The following INSR variants were observed in gnomAD, a reference collection of about 807,000 sequenced individuals.
INSR encodes IR.
INSR carries 67 observed loss-of-function variants against 142.6 expected under a neutral mutation model. The ratio of observed to expected loss-of-function variants is 0.47; its 90% CI spans 0.39 to 0.58. INSR has a LOEUF of 0.58. Ranked by LOEUF, INSR falls within the 20% of genes least tolerant of loss-of-function variation. INSR has a pLI of 0.00. For missense variants in INSR, 1,248 were observed against 1,833.2 expected, an observed-to-expected ratio of 0.68 and a Z score of 5.83; for synonymous variants, 756 against 743.1, an observed-to-expected ratio of 1.02 and a Z score of -0.28.
intron 1 of INSR, among the ~76,000 whole-genome samples, chr19:7,285,098 T>C (rs1277652661): frequency 6.6e-6 from 1 of 152,058 alleles, no homozygotes; most frequent in Non-Finnish European, 1.5e-5. Context: ...GAGGATCACT[T>C]GAGGCCAGGA....
At chr19:7,261,771 T>C (rs1259718294) in intron 2 of INSR, among the ~76,000 whole-genome samples, 6 of 152,158 alleles carry the variant, frequency 3.9e-5, no homozygotes, top group African/African-American at 1.4e-4. Context: ...CCTCAAGCGA[T>C]CCACCTACCT....
intron 2 of INSR, among the ~76,000 whole-genome samples, chr19:7,252,751 GC>G (rs1473058820): frequency 6.6e-6 from 1 of 152,112 alleles, no homozygotes; most frequent in East Asian, 1.9e-4. Flanking sequence ...CACTCAATAA[GC>G]CATGGAGTCA....
At position 7,130,119 on chromosome 19, in the gene INSR, A is replaced by G. The variant is rs554713721; in HGVS notation, c.2843-1165T>C. On this transcript the variant is annotated intron_variant, in intron 14 of 21. Coordinates refer to ENST00000302850, the MANE Select transcript of INSR (RefSeq NM_000208.4). ...ATTTGTGTCATTAAAATGTCCCTCC[A>G]CCTCCTGAAGTGGTTCTGTTATTAT... is the stretch of plus-strand genomic sequence containing the variant. 3.9e-5 allele frequency among the ~76,000 whole-genome samples: 6 copies of G among 151,922 alleles called. No individual in the cohort carries two copies. In the East Asian group the frequency reaches 1.2e-3, roughly 29 times the overall value.
At chr19:7,123,261 C>T (rs191744093) in intron 17 of INSR, 6,099 of 413,074 alleles carry the variant, frequency 0.015, 84 homozygotes, top group Non-Finnish European at 0.022. Flanking sequence ...CTTTGCCTCC[C>T]GGGTTCAAGC....
chr19:7,156,113 T>G (rs1352238302), intron 9 of INSR, among the ~76,000 whole-genome samples: 2 of 126,454 alleles, frequency 1.6e-5, no homozygotes, highest in Non-Finnish European at 3.2e-5. Flanking sequence ...CAGGCTGGAG[T>G]GCAGTGGCGT....
In INSR at chr19:7,208,942, G is replaced by A. The variant is rs550488526; in HGVS notation, c.653-24305C>T. 1.8e-4 allele frequency among the ~76,000 whole-genome samples: 28 copies of A among 152,248 alleles called. No individual in the cohort carries two copies. The South Asian group carries it at 5.6e-3, about 30-fold the overall frequency. ...CGCTTGAACAGGGGAGTTGGAAGTT[G>A]CAGTGAGCCAAGATGGCGCCACTGC... On this transcript the variant is annotated intron_variant, in intron 2 of 21. Transcript: ENST00000302850.
intron 2 of INSR, among the ~76,000 whole-genome samples, chr19:7,193,338 T>C (rs1323374536): frequency 6.6e-6 from 1 of 151,902 alleles, no homozygotes; most frequent in African/African-American, 2.4e-5. Context: ...ATGGTGAGAC[T>C]CCGTCTCCAC....
At position 7,170,523 on chromosome 19, in the gene INSR, G is replaced by A. The variant is rs759213000; in HGVS notation, c.1483+14C>T. 2.5e-6 allele frequency: 4 copies of A among 1,603,726 alleles called. No homozygotes were observed. The highest frequency in any genetic ancestry group is 3.4e-6 in the Non-Finnish European group (4 of 1,172,076). On this transcript the variant is annotated intron_variant, in intron 6 of 21. Transcript: ENST00000302850. Reference sequence around the variant, plus strand: ...GGTCCCTCATGCCAAAAAGGTTGGGGACCAGTGACTTACAGGATGCCTGGT... The same window carrying A: ...GGTCCCTCATGCCAAAAAGGTTGGGAACCAGTGACTTACAGGATGCCTGGT...
intron 1 of INSR, among the ~76,000 whole-genome samples, chr19:7,289,669 G>A (rs1047555118): frequency 2.0e-5 from 3 of 152,094 alleles, no homozygotes; most frequent in African/African-American, 7.2e-5. Context: ...GCCTCCCAAG[G>A]TGTTGGGATT....
chr19:7,227,187 C>T (rs1042492307), intron 2 of INSR, among the ~76,000 whole-genome samples: 17 of 152,040 alleles, frequency 1.1e-4, no homozygotes, highest in Admixed American at 9.2e-4. Context: ...GAAAAATTAA[C>T]GAATTCACTA....
At chr19:7,156,911 C>T (rs1973609087) in intron 9 of INSR, among the ~76,000 whole-genome samples, 1 of 151,464 alleles carries the variant, frequency 6.6e-6, no homozygotes. Flanking sequence ...GTCTCAGCTC[C>T]ACTCCCCGTA....
intron 2 of INSR, among the ~76,000 whole-genome samples, chr19:7,191,021 G>A (rs977764915): frequency 5.3e-5 from 8 of 152,130 alleles, no homozygotes; most frequent in African/African-American, 1.9e-4. Context: ...TAGAGGCTGG[G>A]AACGGTGGCT....
intron 1 of INSR, 64 bp downstream of exon 1, chr19:7,293,728 G>T: frequency 8.0e-7 from 1 of 1,247,970 alleles, no homozygotes; most frequent in Non-Finnish European, 1.0e-6. Context: ...GCTCGATTTT[G>T]GCTTGGGTGG....
chr19:7,217,260 T>G (rs566987077), intron 2 of INSR, among the ~76,000 whole-genome samples: 1 of 152,278 alleles, frequency 6.6e-6, no homozygotes, highest in African/African-American at 2.4e-5. Flanking sequence ...AGCTCCTTTT[T>G]CTTGGCCGTA....
chr19:7,120,214 A>G (rs62124490), intron 20 of INSR, among the ~76,000 whole-genome samples: 12,576 of 152,176 alleles, frequency 0.083, 602 homozygotes, highest in Non-Finnish European at 0.095. Flanking sequence ...CTCCCTCCCC[A>G]CTTCGAGTTG....
intron 2 of INSR, among the ~76,000 whole-genome samples, chr19:7,265,347 AG>A (rs1262117407): frequency 1.3e-5 from 2 of 152,184 alleles, no homozygotes; most frequent in African/African-American, 2.4e-5. Flanking sequence ...CAGCTGTCTG[AG>A]GCCCCCAGTT....
chr19:7,123,456 C>T (rs1972544923), intron 17 of INSR, among the ~76,000 whole-genome samples: 1 of 151,860 alleles, frequency 6.6e-6, no homozygotes. Context: ...GCCACTGCAC[C>T]CAGCCAGGCC....
intron 2 of INSR, among the ~76,000 whole-genome samples, chr19:7,221,400 A>AGGG (rs1487102133): frequency 2.1e-5 from 3 of 142,456 alleles, no homozygotes; most frequent in African/African-American, 7.9e-5. Context: ...GAGGAGGAGG[A>AGGG]GGAGGAAAGA....
intron 20 of INSR, 104 bp downstream of exon 20, chr19:7,120,516 T>A: frequency 1.5e-6 from 2 of 1,379,168 alleles, no homozygotes; most frequent in Non-Finnish European, 2.1e-6. Context: ...CTTTCCTTGA[T>A]GGGGCGTCCA....
Sources: gnomAD v4.1 joint callset for allele counts (sites outside exome capture counted in the v4.1 genomes callset) on GRCh38, gnomAD v4.1.1 for gene constraint, MANE v1.5 for transcripts, NCBI Gene and HGNC (gene_info 2026-07-23, HGNC 2026-07-21) for gene names.